UBN2: variants seen among roughly 807,000 people sequenced by gnomAD.
UBN2 encodes the protein ubinuclein-2.
A neutral mutation model predicts 120.2 loss-of-function variants in UBN2; 35 were observed. That is an observed-to-expected ratio of 0.29 (90% confidence interval 0.22 to 0.39). UBN2 has a LOEUF of 0.39. Ranked by LOEUF, UBN2 falls within the 10% of genes least tolerant of loss-of-function variation. The probability of loss-of-function intolerance (pLI) is 1.00; values close to 1 mark genes in which losing one functional copy is unlikely to be tolerated. For synonymous variants in UBN2, 661 were observed against 648.7 expected (o/e 1.02, Z -0.29); for missense variants, 1,693 against 1,663.2 (o/e 1.02, Z -0.31).
intron 17 of UBN2, among the ~76,000 whole-genome samples, chr7:139,297,479 A>G (rs1005311578): frequency 6.6e-5 from 10 of 152,092 alleles, no homozygotes; most frequent in African/African-American, 2.4e-4. Flanking sequence ...TGGTTCCTTT[A>G]TAACCCTCTC....
Position 139,276,179 on chromosome 7 carries a change from T to G in UBN2, c.2024+32T>G, listed in dbSNP as rs1031440241. The G allele has an allele frequency of 3.1e-6, 5 of 1,595,990 alleles. No individual in the cohort carries two copies. The East Asian group carries it at 1.1e-4, about 36-fold the overall frequency. ...AAATGCAGACTCCAGATTGCTTCAT[T>G]TATTCACATTATGTGCTTTAGTGAA... On this transcript the variant is annotated intron_variant, in intron 12 of 17. Coordinates refer to ENST00000473989, the MANE Select transcript of UBN2 (RefSeq NM_173569.4).
At chr7:139,266,881 G>A (rs1176877705) in intron 7 of UBN2, among the ~76,000 whole-genome samples, 2 of 152,144 alleles carry the variant, frequency 1.3e-5, no homozygotes, top group African/African-American at 4.8e-5. Flanking sequence ...TGGTTGTGAG[G>A]TAGGATAGAG....
chr7:139,241,947 G>A (rs181322195), intron 2 of UBN2, among the ~76,000 whole-genome samples: 2 of 152,110 alleles, frequency 1.3e-5, no homozygotes, highest in Non-Finnish European at 2.9e-5. Flanking sequence ...GCAGTGAGCC[G>A]AAATCACGCC....
At position 139,284,545 on chromosome 7, in the gene UBN2, G is replaced by A; in HGVS notation, c.3640G>A (p.Gly1214Arg). 1 of 1,612,802 alleles carries A rather than the reference G, an allele frequency of 6.2e-7. No individual in the cohort carries two copies. Among genetic ancestry groups the A allele is most frequent in the Non-Finnish European group, 8.5e-7 (1 of 1,179,616 alleles). Reference protein sequence around the residue: ...STPHRPSTASGSSVVTASVQS... With the variant: ...STPHRPSTASRSSVVTASVQS... ...TCCACATAGACCATCCACTGCCTCA[G>A]GGTCTTCAGTGGTAACAGCCAGTGT... Residue 1214 changes from glycine (G) to arginine (R), a missense_variant, in exon 15 of 18, where the codon GGG becomes AGG. Around this residue, in one of 5 missense-constraint regions of UBN2, gnomAD observed 837 missense variants for 817.6 expected, o/e 1.02. Transcript: ENST00000473989.
In UBN2 at chr7:139,261,518, A is replaced by G. The variant is rs1796932483; in HGVS notation, c.1172A>G (p.Glu391Gly). 6.2e-7 allele frequency: 1 copy of G among 1,614,182 alleles called. No individual in the cohort carries two copies. The highest frequency in any genetic ancestry group is 2.2e-5 in the East Asian group (1 of 44,888). Residue 391 changes from glutamate (E) to glycine (G), a missense_variant, in exon 6 of 18, where the codon GAG becomes GGG. This residue lies in a region of UBN2 where 663 missense variants were observed against 591.2 expected (regional missense o/e 1.12). Transcript: ENST00000473989. ...ATTTTTGTTAGCACAAATGAACATG[A>G]GCTGTTTCAGGAAGCTGAAAATGCC... The part of the protein sequence containing the change: ...LPIFVSTNEH[E>G]LFQEAENALE...
rs780401020 is a variant in UBN2, at chr7:139,261,375, C to T, written c.1029C>T (p.Asn343=). 8 of 1,614,186 alleles carry T rather than the reference C, an allele frequency of 5.0e-6. No individual in the cohort carries two copies. In the South Asian group the frequency reaches 7.7e-5, roughly 16 times the overall value. ...KEKDALKKES[N]PKVPVTLSTP... The stretch of plus-strand genomic sequence containing the variant: ...AGGATGCATTAAAGAAGGAGTCTAA[C>T]CCCAAAGTCCCAGTGACCTTGTCAA... Residue 343 remains asparagine (N), a synonymous_variant, in exon 6 of 18, where the codon AAC becomes AAT. Transcript: ENST00000473989.
intron 15 of UBN2, among the ~76,000 whole-genome samples, chr7:139,289,001 A>C (rs1221754088): frequency 4.5e-5 from 5 of 110,640 alleles, no homozygotes; most frequent in Admixed American, 3.3e-4. Context: ...ACGCCATCTC[A>C]AAAAAAAAAA....
At chr7:139,324,308 G>A in the UBN2 span, among the ~76,000 whole-genome samples, 2 of 151,994 alleles carry the variant, frequency 1.3e-5, no homozygotes, top group Non-Finnish European at 2.9e-5. Context: ...GGTGGCTCAC[G>A]CCTGTAATCC....
intron 14 of UBN2, 112 bp from the exon 15 acceptor site, chr7:139,282,912 T>A (rs1396809391): frequency 4.0e-6 from 4 of 1,010,894 alleles, no homozygotes; most frequent in Non-Finnish European, 5.6e-6. Flanking sequence ...TCTGAAGATT[T>A]CCAGTAGAAA....
Position 139,269,908 on chromosome 7 carries a change from G to C in UBN2, c.1596+385G>C, listed in dbSNP as rs189446047. ...ACTGCAGCCTTAACCTCCTGGGCTC[G>C]AGCAGTCCTCCCACCTCAGCCTCCC... On this transcript the variant is annotated intron_variant, in intron 8 of 17. Transcript: ENST00000473989. Among the ~76,000 whole-genome samples, 829 of 151,788 alleles carry C rather than the reference G, an allele frequency of 5.5e-3. 6 individuals are homozygous for C. The highest frequency in any genetic ancestry group is 0.046 in the South Asian group (219 of 4,812).
downstream of UBN2, among the ~76,000 whole-genome samples, chr7:139,310,616 C>CA (rs991320887): frequency 3.9e-5 from 6 of 152,076 alleles, no homozygotes; most frequent in African/African-American, 7.2e-5. Context: ...ACCAAAAATA[C>CA]AAAAAAATCA....
At chr7:139,273,443 TA>T in intron 10 of UBN2, 33 bp downstream of exon 10, 1 of 1,400,094 alleles carries the variant, frequency 7.1e-7, no homozygotes. Context: ...TTTTAATATA[TA>T]ATGCAGAAGT....
At chr7:139,269,550 A>C in intron 8 of UBN2, 27 bp downstream of exon 8, 7 of 1,610,472 alleles carry the variant, frequency 4.3e-6, no homozygotes, top group Non-Finnish European at 5.9e-6. Flanking sequence ...TAATATCTAC[A>C]TCTTGGGTTT....
At chr7:139,309,507 C>T (rs774611611), downstream of UBN2, among the ~76,000 whole-genome samples, 12 of 152,012 alleles carry the variant, frequency 7.9e-5, no homozygotes, top group Non-Finnish European at 1.8e-4. Context: ...TGTGTTTTCA[C>T]CATCTTGTAT....
intron 15 of UBN2, among the ~76,000 whole-genome samples, chr7:139,288,292 G>T (rs1006290579): frequency 6.6e-6 from 1 of 152,178 alleles, no homozygotes; most frequent in African/African-American, 2.4e-5. Flanking sequence ...TGATAAAAGT[G>T]ATTGCTGCTA....
the UBN2 span, among the ~76,000 whole-genome samples, chr7:139,316,724 G>A: frequency 6.6e-6 from 1 of 151,984 alleles, no homozygotes; most frequent in South Asian, 2.1e-4. Context: ...CAGCCTGGAC[G>A]ACAAGAGTGA....
At chr7:139,266,563 T>C (rs1445218788) in intron 7 of UBN2, among the ~76,000 whole-genome samples, 160 bp downstream of exon 7, 1 of 152,168 alleles carries the variant, frequency 6.6e-6, no homozygotes, top group Non-Finnish European at 1.5e-5. Flanking sequence ...CAAAATTATC[T>C]TTCTGTATAT....
At chr7:139,326,062 C>G in the UBN2 span, among the ~76,000 whole-genome samples, 1 of 148,030 alleles carries the variant, frequency 6.8e-6, no homozygotes. Context: ...CGATGACCAG[C>G]CTGGTCAACA....
At chr7:139,328,753 A>C in the UBN2 span, among the ~76,000 whole-genome samples, 1 of 151,826 alleles carries the variant, frequency 6.6e-6, no homozygotes, top group African/African-American at 2.4e-5. Context: ...AGTCCCAGCT[A>C]TTCAGGAGGC....
Sources: allele counts gnomAD v4.1 joint callset (sites outside exome capture counted in the v4.1 genomes callset), GRCh38; gene constraint gnomAD v4.1.1; regional missense constraint gnomAD v4.1.1; transcripts MANE v1.5; gene names NCBI Gene and HGNC (gene_info 2026-07-23, HGNC 2026-07-21).